The following IL33 variants were observed in gnomAD, a reference collection of about 807,000 sequenced individuals.
IL33 encodes interleukin-33.
In IL33, 37 loss-of-function variants were observed where a neutral mutation model predicts 27.3. That is an observed-to-expected ratio of 1.36 (90% confidence interval 1.04 to 1.78). The LOEUF (loss-of-function observed/expected upper bound fraction) is 1.78. IL33 is among the 40% of genes most tolerant of loss of function. IL33 has a pLI of 0.00. For synonymous variants in IL33, 132 were observed against 102.9 expected (o/e 1.28, Z -1.71); for missense variants, 406 against 311.4 (o/e 1.30, Z -2.29).
At chr9:6,222,639 A>T (rs372854339) in intron 1 of IL33, among the ~76,000 whole-genome samples, 2 of 152,184 alleles carry the variant, frequency 1.3e-5, no homozygotes, top group Non-Finnish European at 2.9e-5. Context: ...ACAAGGAAAA[A>T]CTTTCACATA....
At chr9:6,237,941 A>G (rs1020550079) in intron 1 of IL33, among the ~76,000 whole-genome samples, 2 of 152,190 alleles carry the variant, frequency 1.3e-5, no homozygotes, top group African/African-American at 4.8e-5. Context: ...CTTAAAATAC[A>G]ACTACAATTG....
chr9:6,215,568 G>C (rs1036124308), upstream of IL33, among the ~76,000 whole-genome samples: 1 of 152,182 alleles, frequency 6.6e-6, no homozygotes, highest in African/African-American at 2.4e-5. Flanking sequence ...TCCAAAGAGA[G>C]CCAAAACATA....
At chr9:6,247,603 C>G (rs1030670267) in intron 2 of IL33, among the ~76,000 whole-genome samples, 6 of 152,076 alleles carry the variant, frequency 3.9e-5, no homozygotes, top group Admixed American at 6.6e-5. Context: ...TCATACTAAG[C>G]CATTGCCCTC....
intron 1 of IL33, among the ~76,000 whole-genome samples, chr9:6,222,660 T>C (rs1818461118): frequency 6.6e-6 from 1 of 152,230 alleles, no homozygotes; most frequent in South Asian, 2.1e-4. Context: ...TTTTTTGTTT[T>C]AGTCAAATTG....
At chr9:6,254,371 A>G in intron 6 of IL33, 91 bp from the exon 7 acceptor site, 2 of 737,220 alleles carry the variant, frequency 2.7e-6, no homozygotes, top group South Asian at 3.1e-5. Context: ...TTTATGTAAC[A>G]TCTTAGACTT....
intron 2 of IL33, among the ~76,000 whole-genome samples, chr9:6,250,001 C>G (rs1046978390): frequency 1.5e-4 from 23 of 151,928 alleles, no homozygotes; most frequent in Admixed American, 1.5e-3. Flanking sequence ...TAAAAGATAC[C>G]CCTCAATTAG....
At chr9:6,222,912 G>A (rs1818471113) in intron 1 of IL33, among the ~76,000 whole-genome samples, 1 of 151,940 alleles carries the variant, frequency 6.6e-6, no homozygotes. Flanking sequence ...TTTCTTTCAA[G>A]CTTTTTAATT....
chr9:6,250,329 C>T (rs1376475547), intron 2 of IL33, 145 bp from the exon 3 acceptor site: 33 of 949,222 alleles, frequency 3.5e-5, no homozygotes, highest in Middle Eastern at 3.5e-4. Context: ...TAAAAAACTC[C>T]GAATTTTGAA....
At chr9:6,216,821 G>T (rs1488982199) in intron 1 of IL33, among the ~76,000 whole-genome samples, 3 of 152,184 alleles carry the variant, frequency 2.0e-5, no homozygotes, top group Non-Finnish European at 4.4e-5. Context: ...AAATGAAGTA[G>T]TTTGGAATTG....
chr9:6,221,328 T>C (rs1213317784), intron 1 of IL33, among the ~76,000 whole-genome samples: 1 of 152,206 alleles, frequency 6.6e-6, no homozygotes, highest in East Asian at 1.9e-4. Context: ...TAGATGCTAT[T>C]AACTCAAAGG....
intron 2 of IL33, among the ~76,000 whole-genome samples, chr9:6,248,106 T>C (rs1051831389): frequency 3.3e-5 from 5 of 152,158 alleles, no homozygotes; most frequent in African/African-American, 9.7e-5. Flanking sequence ...TCAGTTATCA[T>C]ATTATGCCTT....
At chr9:6,215,597 A>C (rs140041083), upstream of IL33, among the ~76,000 whole-genome samples, 4 of 152,324 alleles carry the variant, frequency 2.6e-5, no homozygotes, top group Non-Finnish European at 5.9e-5. Flanking sequence ...GGGCAGAAGA[A>C]GAATCATAAT....
chr9:6,237,556 A>G (rs1303158310), intron 1 of IL33, among the ~76,000 whole-genome samples: 1 of 152,200 alleles, frequency 6.6e-6, no homozygotes, highest in Non-Finnish European at 1.5e-5. Context: ...CATGAGGGTG[A>G]TAAGACGGGA....
At chr9:6,219,742 A>G (rs1818333012) in intron 1 of IL33, among the ~76,000 whole-genome samples, 1 of 152,158 alleles carries the variant, frequency 6.6e-6, no homozygotes, top group South Asian at 2.1e-4. Flanking sequence ...TTAATCACTG[A>G]CCATTTACTA....
At chr9:6,239,677 C>A (rs1194911393) in intron 1 of IL33, among the ~76,000 whole-genome samples, 1 of 152,064 alleles carries the variant, frequency 6.6e-6, no homozygotes, top group Non-Finnish European at 1.5e-5. Flanking sequence ...CTTGGTGTGT[C>A]CACCTTCCTT....
intron 1 of IL33, among the ~76,000 whole-genome samples, chr9:6,221,216 T>C (rs1234614232): frequency 6.6e-6 from 1 of 152,208 alleles, no homozygotes; most frequent in Non-Finnish European, 1.5e-5. Flanking sequence ...CCTGCACGTA[T>C]GGTGGCATTA....
chr9:6,242,835 G>A (rs1391847688), intron 2 of IL33: 1 of 152,900 alleles, frequency 6.5e-6, no homozygotes, highest in African/African-American at 2.4e-5. Flanking sequence ...AGTTCTGCAG[G>A]CTGTACAAGA....
chr9:6,252,097 C>CAAAAAA, intron 4 of IL33, among the ~76,000 whole-genome samples: 1 of 115,564 alleles, frequency 8.7e-6, no homozygotes, highest in South Asian at 2.9e-4. Context: ...ACAAAAAAAC[C>CAAAAAA]AACTTTACCT....
chr9:6,218,292 G>A (rs922408443), intron 1 of IL33, among the ~76,000 whole-genome samples: 1 of 151,896 alleles, frequency 6.6e-6, no homozygotes, highest in African/African-American at 2.4e-5. Flanking sequence ...TCATTGTTTA[G>A]CTTACAGTAT....
Sources: allele counts gnomAD v4.1 joint callset (sites outside exome capture counted in the v4.1 genomes callset), GRCh38; gene constraint gnomAD v4.1.1; transcripts MANE v1.5; gene names NCBI Gene and HGNC (gene_info 2026-07-23, HGNC 2026-07-21).